RAB44: variants seen among roughly 807,000 people sequenced by gnomAD.
The protein encoded by RAB44 is ras-related protein Rab-44.
RAB44 carries 67 observed loss-of-function variants against 93.3 expected under a neutral mutation model. The ratio of observed to expected loss-of-function variants is 0.72; its 90% CI spans 0.59 to 0.88. The LOEUF is 0.88. Among genes scored for constraint, RAB44 ranks in the 40% least tolerant of loss-of-function variants. RAB44 has a pLI of 0.00. For missense variants in RAB44, 1,064 were observed against 1,261.7 expected (o/e 0.84, Z 2.37); for synonymous variants, 427 against 520.3 (o/e 0.82, Z 2.44).
chr6:36,718,355 G>A (rs1343525009), intron 6 of RAB44, 138 bp from the exon 7 acceptor site: 1 of 462,010 alleles, frequency 2.2e-6, no homozygotes, highest in Non-Finnish European at 3.5e-6. Context: ...AACTGGAGGA[G>A]TTGTCCTGAG....
intron 2 of RAB44, among the ~76,000 whole-genome samples, chr6:36,711,795 C>T (rs1452939000): frequency 2.6e-5 from 4 of 151,528 alleles, no homozygotes; most frequent in East Asian, 1.9e-4. Flanking sequence ...CCCAGCTACT[C>T]GGGAGGCTGA....
intron 1 of RAB44, among the ~76,000 whole-genome samples, chr6:36,699,218 G>A (rs1349732848): frequency 6.6e-6 from 1 of 152,108 alleles, no homozygotes; most frequent in Non-Finnish European, 1.5e-5. Flanking sequence ...CGAGGTGTCT[G>A]GAAGGTGCTA....
intron 1 of RAB44, among the ~76,000 whole-genome samples, chr6:36,699,389 C>A (rs1312156699): frequency 6.6e-6 from 1 of 152,128 alleles, no homozygotes; most frequent in Admixed American, 6.5e-5. Flanking sequence ...GGGAGCCCGG[C>A]AGGCTGCGAT....
intron 9 of RAB44, among the ~76,000 whole-genome samples, chr6:36,724,493 C>T (rs1022650633): frequency 1.3e-5 from 2 of 152,224 alleles, no homozygotes; most frequent in Non-Finnish European, 2.9e-5. Flanking sequence ...CTACTGTTTA[C>T]TGACCACCTC....
Position 36,717,119 on chromosome 6 carries a change from T to A in RAB44, c.495-154T>A, listed in dbSNP as rs146760658. On this transcript the variant is annotated intron_variant, in intron 4 of 13. Transcript: ENST00000612677. This position sits in a 1 kb window ranked among gnomAD's most constrained non-coding sequence, Gnocchi z 4.1. ...GGAATGGTTCCTGGAGGAGGTGGCG[T>A]TTTAGTTGCATCTTGTAGGGTGTCA... is the stretch of plus-strand genomic sequence containing the variant. Among the ~76,000 whole-genome samples, 958 of 151,842 alleles carry A rather than the reference T, an allele frequency of 6.3e-3. 12 individuals are homozygous for A. Among genetic ancestry groups the A allele is most frequent in the African/African-American group, 0.022 (891 of 41,388 alleles).
At chr6:36,701,722 G>A (rs1762514122) in intron 1 of RAB44, among the ~76,000 whole-genome samples, 1 of 152,076 alleles carries the variant, frequency 6.6e-6, no homozygotes, top group African/African-American at 2.4e-5. Flanking sequence ...TCCTGCATGA[G>A]GCTGTGAGGA....
At chr6:36,729,571 C>T (rs1195175644) in intron 12 of RAB44, among the ~76,000 whole-genome samples, 2 of 151,724 alleles carry the variant, frequency 1.3e-5, no homozygotes, top group Non-Finnish European at 2.9e-5. Flanking sequence ...CAACCTCCGA[C>T]TCCCGGGTTC....
chr6:36,720,251 C>T, intron 7 of RAB44, 112 bp from the exon 8 acceptor site: 6 of 922,004 alleles, frequency 6.5e-6, no homozygotes, highest in Non-Finnish European at 8.5e-6. Context: ...TAAGCTGGGT[C>T]TCCAGGAGCC....
In RAB44 at chr6:36,721,666, C is replaced by G. The variant is rs765293104; in HGVS notation, c.1532C>G (p.Pro511Arg). 4.1e-6 allele frequency: 5 copies of G among 1,234,508 alleles called. No individual in the cohort carries two copies. In the East Asian group the frequency reaches 9.5e-5, roughly 23 times the overall value. 76.5% of individuals were successfully genotyped at this position (1,234,508 alleles called of 1,614,324 possible). ...CCCCCTCCCCCTGCGAACTCTCCCC[C>G]TCCCCAGGCCCCAGCTGGGTCCAGC... ...DGPPPPANSPPPQAPAGSSKQ... is the reference protein window; with the variant it reads ...DGPPPPANSPRPQAPAGSSKQ... Residue 511 changes from proline to arginine, a missense_variant, in exon 9 of 14, where the codon CCT becomes CGT. Physicochemically the swap from Pro to Arg is moderately radical, Grantham distance 103. Coordinates refer to ENST00000612677, the MANE Select transcript of RAB44 (RefSeq NM_001257357.2).
intron 2 of RAB44, among the ~76,000 whole-genome samples, chr6:36,708,393 T>G (rs1013998997): frequency 3.3e-5 from 5 of 152,270 alleles, no homozygotes; most frequent in African/African-American, 1.2e-4. Context: ...ATGATGATCT[T>G]GTAATAGTGT....
chr6:36,721,979 T>C lies in RAB44; in HGVS notation c.1845T>C (p.Ala615=), dbSNP rs1476828766. ...CTAGAGCCCTCACCCTGGGGCCAGCTGAGCCCTTCCAGGGCCTGGAATTTG... is the reference window on the plus strand; with the variant it reads ...CTAGAGCCCTCACCCTGGGGCCAGCCGAGCCCTTCCAGGGCCTGGAATTTG... ...QRARALTLGP[A]EPFQGLEFVG... is the part of the protein sequence containing the mutation. The change falls in exon 9 of 14, where the codon GCT becomes GCC. Residue 615 remains alanine (A), a synonymous_variant. Transcript: ENST00000612677. 10 of 1,234,436 alleles carry C rather than the reference T, an allele frequency of 8.1e-6. No homozygotes were observed. The highest frequency in any genetic ancestry group is 1.0e-5 in the Non-Finnish European group (10 of 988,356). The allele number at this position is 1,234,436 out of a possible 1,614,324, so 76.5% of individuals were successfully genotyped here. A position where few individuals can be genotyped will look rare whatever the true frequency, so the allele number is the denominator to read the frequency against.
chr6:36,713,942 A>G lies in RAB44; in HGVS notation c.319+3A>G, dbSNP rs1762848062. 1 of 1,521,856 alleles carries G rather than the reference A, an allele frequency of 6.6e-7. No homozygotes were observed. The highest frequency in any genetic ancestry group is 8.8e-7 in the Non-Finnish European group (1 of 1,134,042). The allele number at this position is 1,521,856 out of a possible 1,614,324, so 94.3% of individuals were successfully genotyped here. On this transcript the variant is annotated splice_donor_region_variant and intron_variant, in intron 3 of 13. Coordinates refer to ENST00000612677, the MANE Select transcript of RAB44 (RefSeq NM_001257357.2). ...TGAAGAATTCAGCTCTGGACTCAGTATGTCTGTCTTTGGAGGGCCTCTGGG... is the reference window on the plus strand; with the variant it reads ...TGAAGAATTCAGCTCTGGACTCAGTGTGTCTGTCTTTGGAGGGCCTCTGGG...
At position 36,714,678 on chromosome 6, in the gene RAB44, G is replaced by A. The variant is rs752751916; in HGVS notation, c.319+739G>A. ...CAGGGGCTGGGCAGGAGGAACTGCC[G>A]GTGGGGCGCAGAGGGAGCATTGCTG... On this transcript the variant is annotated intron_variant, in intron 3 of 13. Coordinates refer to ENST00000612677, the MANE Select transcript of RAB44 (RefSeq NM_001257357.2). 1.1e-4 allele frequency among the ~76,000 whole-genome samples: 17 copies of A among 152,222 alleles called. No homozygotes were observed. In the East Asian group the frequency reaches 1.3e-3, roughly 12 times the overall value.
chr6:36,703,303 C>A (rs1225392855), intron 1 of RAB44, among the ~76,000 whole-genome samples: 1 of 152,214 alleles, frequency 6.6e-6, no homozygotes, highest in Non-Finnish European at 1.5e-5. Flanking sequence ...CACTGCTTCA[C>A]TGGGGATCAA....
rs1763112725 is a variant in RAB44 at position 36,722,375 on chromosome 6, CA to C, written c.2242del (p.Arg748GlyfsTer66). 1 of 1,369,792 alleles carries C rather than the reference CA, an allele frequency of 7.3e-7. No homozygotes were observed. 84.9% of individuals were successfully genotyped at this position (1,369,792 alleles called of 1,614,324 possible). A position where few individuals can be genotyped will look rare whatever the true frequency, so the allele number is the denominator to read the frequency against. ...KSAPPRGSPP[R>X]GAQPGAGAGP... ...CGGCACCTCCAAGGGGCTCTCCTCC[CA>C]GGGGGGCTCAGCCTGGGGCTGGAGC... On this transcript the variant is annotated frameshift_variant, in exon 9 of 14. Transcript: ENST00000612677. LOFTEE classifies it high-confidence loss of function.
intron 2 of RAB44, among the ~76,000 whole-genome samples, 172 bp downstream of exon 2, chr6:36,704,614 CT>C (rs1762598396): frequency 6.6e-6 from 1 of 152,158 alleles, no homozygotes; most frequent in Admixed American, 6.5e-5. Context: ...ACAGGTAAGG[CT>C]TTATGTGTTG....
intron 1 of RAB44, among the ~76,000 whole-genome samples, chr6:36,702,286 C>T (rs1469742228): frequency 8.2e-6 from 1 of 122,102 alleles, no homozygotes; most frequent in Non-Finnish European, 1.6e-5. Context: ...AAACAGACTT[C>T]GAAGGGGGAG....
chr6:36,708,935 A>G (rs1359080680), intron 2 of RAB44, among the ~76,000 whole-genome samples: 3 of 151,394 alleles, frequency 2.0e-5, no homozygotes, highest in Non-Finnish European at 2.9e-5. Context: ...ATTTTTATTT[A>G]TTTATTTTTA....
At chr6:36,718,743 T>C (rs1762991223) in intron 7 of RAB44, among the ~76,000 whole-genome samples, 155 bp downstream of exon 7, 1 of 152,194 alleles carries the variant, frequency 6.6e-6, no homozygotes, top group East Asian at 1.9e-4. Flanking sequence ...AGACAGTGCC[T>C]GGCACGTAGT....
Sources: gnomAD v4.1 joint callset for allele counts (sites outside exome capture counted in the v4.1 genomes callset) on GRCh38, gnomAD v4.1.1 for gene constraint, Gnocchi (gnomAD v3.1) non-coding constraint, MANE v1.5 for transcripts, NCBI Gene and HGNC (gene_info 2026-07-23, HGNC 2026-07-21) for gene names.